MAD1L1: variants seen among roughly 807,000 people sequenced by gnomAD.
The protein encoded by MAD1L1 is mitotic arrest deficient 1 like 1, also known as mitotic spindle assembly checkpoint protein MAD1.
MAD1L1 carries 95 observed loss-of-function variants against 96.9 expected under a neutral mutation model. The ratio of observed to expected loss-of-function variants is 0.98; its 90% CI spans 0.83 to 1.16. MAD1L1 has a LOEUF of 1.16. MAD1L1 is among the 50% of genes most tolerant of loss of function. The pLI is 0.00. For missense variants in MAD1L1, 1,007 were observed against 954.4 expected (o/e 1.06, Z -0.73); for synonymous variants, 473 against 396.6 (o/e 1.19, Z -2.29).
At chr7:1,916,194 C>T (rs528159370) in intron 17 of MAD1L1, among the ~76,000 whole-genome samples, 10 of 152,260 alleles carry the variant, frequency 6.6e-5, no homozygotes, top group South Asian at 4.1e-4. Flanking sequence ...GACATGCAAA[C>T]GGGTGAAGCC....
At chr7:1,820,115 A>C (rs1218794816) in intron 18 of MAD1L1, among the ~76,000 whole-genome samples, 1 of 152,196 alleles carries the variant, frequency 6.6e-6, no homozygotes, top group African/African-American at 2.4e-5. Context: ...TCAAAACCAG[A>C]AACCAGTCAG....
chr7:2,180,589 G>C (rs1322571317), intron 10 of MAD1L1, among the ~76,000 whole-genome samples: 2 of 152,154 alleles, frequency 1.3e-5, no homozygotes, highest in African/African-American at 4.8e-5. Context: ...AAGGAAACTG[G>C]GCTTGTTTCT....
intron 10 of MAD1L1, among the ~76,000 whole-genome samples, chr7:2,166,409 C>G (rs2128591858): frequency 6.6e-6 from 1 of 152,300 alleles, no homozygotes; most frequent in African/African-American, 2.4e-5. Flanking sequence ...TCCAATTAAG[C>G]CCGTGTGACC....
chr7:2,150,821 C>T (rs1243393215), intron 10 of MAD1L1, among the ~76,000 whole-genome samples: 1 of 152,244 alleles, frequency 6.6e-6, no homozygotes, highest in Non-Finnish European at 1.5e-5. Context: ...CTTCCACGTC[C>T]CCCAGAGAGG....
At chr7:1,961,669 C>A (rs1027949037) in intron 15 of MAD1L1, among the ~76,000 whole-genome samples, 1 of 152,226 alleles carries the variant, frequency 6.6e-6, no homozygotes, top group African/African-American at 2.4e-5. Flanking sequence ...GCTATGATAC[C>A]TGATAGGGTT....
chr7:2,134,949 G>A (rs1367246061), intron 11 of MAD1L1, among the ~76,000 whole-genome samples: 1 of 152,158 alleles, frequency 6.6e-6, no homozygotes, highest in African/African-American at 2.4e-5. Context: ...GCCTTTTCTA[G>A]GATACATGAG....
chr7:2,214,173 G>C (rs1793137243), intron 9 of MAD1L1, among the ~76,000 whole-genome samples: 1 of 152,214 alleles, frequency 6.6e-6, no homozygotes, highest in African/African-American at 2.4e-5. Context: ...TGCAGACGGG[G>C]AGACAGACAG....
chr7:2,076,537 G>A (rs918076151), intron 11 of MAD1L1, among the ~76,000 whole-genome samples: 1 of 152,150 alleles, frequency 6.6e-6, no homozygotes, highest in African/African-American at 2.4e-5. Context: ...GAACACAGAC[G>A]GTCTCCTAAC....
intron 11 of MAD1L1, among the ~76,000 whole-genome samples, chr7:2,087,180 T>A (rs11973308): frequency 6.6e-6 from 1 of 152,202 alleles, no homozygotes; most frequent in Admixed American, 6.5e-5. Flanking sequence ...TGGTGGGGGA[T>A]GCTCAGTGCA....
At chr7:2,052,304 CG>C (rs1183193954) in intron 12 of MAD1L1, among the ~76,000 whole-genome samples, 2 of 152,230 alleles carry the variant, frequency 1.3e-5, no homozygotes, top group African/African-American at 2.4e-5. Flanking sequence ...CAGGCAGCGG[CG>C]TAGTAGGAGC....
chr7:1,853,371 C>A (rs750283121), intron 18 of MAD1L1, among the ~76,000 whole-genome samples: 24 of 152,158 alleles, frequency 1.6e-4, no homozygotes, highest in African/African-American at 1.2e-4. Context: ...CTGGAAAGAG[C>A]GGAGGTGGAG....
chr7:1,884,125 G>A lies in MAD1L1; in HGVS notation c.1998+14075C>T, dbSNP rs531885729. 3.9e-4 allele frequency among the ~76,000 whole-genome samples: 59 copies of A among 152,366 alleles called. 1 individual carries two copies. The highest frequency in any genetic ancestry group is 1.4e-3 in the African/African-American group (59 of 41,586). ...GCACTGGGACCGCAAGCCAGAGTTG[G>A]CGGCTGGGCCAGTCTCCACTTGGGG... On this transcript the variant is annotated intron_variant, in intron 18 of 18. Coordinates refer to ENST00000265854, the MANE Select transcript of MAD1L1 (RefSeq NM_001013836.2).
chr7:1,835,022 G>A (rs1782876921), intron 18 of MAD1L1, among the ~76,000 whole-genome samples: 1 of 151,412 alleles, frequency 6.6e-6, no homozygotes, highest in Non-Finnish European at 1.5e-5. Flanking sequence ...GAAAATCAAA[G>A]TAATTCCACA....
intron 11 of MAD1L1, among the ~76,000 whole-genome samples, chr7:2,082,135 C>T (rs1380837890): frequency 6.6e-6 from 1 of 152,004 alleles, no homozygotes; most frequent in South Asian, 2.1e-4. Flanking sequence ...CCGGGAACAC[C>T]TGCGCAGGAG....
At chr7:1,941,738 T>C (rs1192500842) in intron 16 of MAD1L1, among the ~76,000 whole-genome samples, 2 of 152,276 alleles carry the variant, frequency 1.3e-5, no homozygotes, top group East Asian at 1.9e-4. Context: ...ACGGAGAGCA[T>C]TCACTGGGCA....
Position 1,976,086 on chromosome 7 carries a change from G to A in MAD1L1, c.1505+4367C>T, listed in dbSNP as rs77976108. On this transcript the variant is annotated intron_variant, in intron 15 of 18. Coordinates refer to ENST00000265854, the MANE Select transcript of MAD1L1 (RefSeq NM_001013836.2). ...TCAGTGTTGAAAAACGATGCTATGT[G>A]ATACATGTCATTCACATACAACAAA... Among the ~76,000 whole-genome samples the A allele has an allele frequency of 5.9e-3, 903 of 152,326 alleles. 27 individuals carry two copies. In the East Asian group the frequency reaches 0.07, roughly 12 times the overall value.
intron 18 of MAD1L1, among the ~76,000 whole-genome samples, chr7:1,865,171 C>T (rs770836400): frequency 1.3e-5 from 2 of 152,196 alleles, no homozygotes; most frequent in African/African-American, 2.4e-5. Context: ...ATGCGTGAGG[C>T]GTGCACAAGC....
At chr7:1,958,591 A>G (rs1779826044) in intron 15 of MAD1L1, among the ~76,000 whole-genome samples, 2 of 152,334 alleles carry the variant, frequency 1.3e-5, no homozygotes, top group East Asian at 1.9e-4. Flanking sequence ...AAAAAGATCA[A>G]GAAGATTGAT....
rs79399945 is a variant in MAD1L1 at position 2,118,955 on chromosome 7, G to A, written c.1073+30197C>T. Among the ~76,000 whole-genome samples the A allele has an allele frequency of 6.5e-4, 99 of 152,248 alleles. 4 individuals are homozygous for A. In the East Asian group the frequency reaches 0.017, roughly 26 times the overall value. Reference sequence around the variant, plus strand: ...TGACCTGCAGTGCAGACCTGGAGCTGAGACGTCCTCCATCAAGGCCAAAAG... The same window carrying A: ...TGACCTGCAGTGCAGACCTGGAGCTAAGACGTCCTCCATCAAGGCCAAAAG... On this transcript the variant is annotated intron_variant, in intron 11 of 18. Coordinates refer to ENST00000265854, the MANE Select transcript of MAD1L1 (RefSeq NM_001013836.2).
Sources: gnomAD v4.1 joint callset for allele counts (sites outside exome capture counted in the v4.1 genomes callset) on GRCh38, gnomAD v4.1.1 for gene constraint, MANE v1.5 for transcripts, NCBI Gene and HGNC (gene_info 2026-07-23, HGNC 2026-07-21) for gene names.